Variants in NCKAP5 observed in about 807,000 individuals in gnomAD.
The protein encoded by NCKAP5 is NCK associated protein 5, also known as nck-associated protein 5.
A neutral mutation model predicts 167.0 loss-of-function variants in NCKAP5; 92 were observed. The ratio of observed to expected loss-of-function variants is 0.55; its 90% CI spans 0.47 to 0.66. The LOEUF (loss-of-function observed/expected upper bound fraction) is 0.66. NCKAP5 is among the 30% of genes least tolerant of loss of function. The pLI is 0.00. For synonymous variants in NCKAP5, 891 were observed against 877.4 expected (o/e 1.02, Z -0.27); for missense variants, 2,378 against 2,315.0 (o/e 1.03, Z -0.56).
At chr2:133,548,597 T>G (rs1030035698) in intron 2 of NCKAP5, among the ~76,000 whole-genome samples, 7 of 151,924 alleles carry the variant, frequency 4.6e-5, no homozygotes, top group African/African-American at 1.7e-4. Context: ...GACAAGAATT[T>G]TCAACCCAGA....
intron 6 of NCKAP5, among the ~76,000 whole-genome samples, chr2:133,063,380 T>A (rs1330328763): frequency 6.6e-6 from 1 of 152,210 alleles, no homozygotes; most frequent in Non-Finnish European, 1.5e-5. Flanking sequence ...TGTTTGAAGT[T>A]ACATATACAC....
intron 8 of NCKAP5, among the ~76,000 whole-genome samples, chr2:132,922,915 C>T (rs57114195): frequency 0.21 from 31,781 of 152,064 alleles, 6,633 homozygotes; most frequent in African/African-American, 0.49. Context: ...AATAAAATTT[C>T]AGAATTTCAG....
At chr2:133,629,301 C>A in the NCKAP5 span, among the ~76,000 whole-genome samples, 25 of 151,794 alleles carry the variant, frequency 1.6e-4, no homozygotes, top group Non-Finnish European at 3.1e-4. Flanking sequence ...GAAAAAACAG[C>A]CCATTAAAAA....
At chr2:132,741,111 A>T (rs1366263488) in intron 16 of NCKAP5, among the ~76,000 whole-genome samples, 2 of 152,070 alleles carry the variant, frequency 1.3e-5, no homozygotes, top group Admixed American at 6.6e-5. Flanking sequence ...ATTTTCATAT[A>T]CAGCTGTTAT....
intron 2 of NCKAP5, among the ~76,000 whole-genome samples, chr2:133,527,891 C>A (rs1274369397): frequency 6.6e-6 from 1 of 151,874 alleles, no homozygotes; most frequent in Non-Finnish European, 1.5e-5. Flanking sequence ...ATAGTGAGAC[C>A]CCTGTCTGTA....
chr2:133,322,716 A>T (rs867094893), intron 3 of NCKAP5, among the ~76,000 whole-genome samples: 1 of 152,342 alleles, frequency 6.6e-6, no homozygotes, highest in East Asian at 1.9e-4. Flanking sequence ...GGACACATAG[A>T]AGCTATGTGG....
At chr2:133,126,615 G>A (rs7592507) in intron 6 of NCKAP5, among the ~76,000 whole-genome samples, 17,592 of 152,140 alleles carry the variant, frequency 0.12, 1,254 homozygotes, top group East Asian at 0.38. Context: ...TTTGGGCCAC[G>A]TCTACTGTAT....
At chr2:132,771,035 A>G (rs780817926) in intron 16 of NCKAP5, among the ~76,000 whole-genome samples, 5 of 152,222 alleles carry the variant, frequency 3.3e-5, no homozygotes, top group Non-Finnish European at 5.9e-5. Context: ...TAGTTTATGT[A>G]TGTACTACTA....
At chr2:132,925,903 G>T in intron 8 of NCKAP5, among the ~76,000 whole-genome samples, 1 of 152,268 alleles carries the variant, frequency 6.6e-6, no homozygotes, top group Admixed American at 6.5e-5. Flanking sequence ...AAAATTTTAC[G>T]AATTTAGGGG....
rs1328884638 is a variant in NCKAP5 at position 132,878,903 on chromosome 2, G to A, written c.593C>T (p.Ala198Val). ...TTGATTTTCATTCTCCAAAGCCAACGCTGAATTCTCTGCCTGCAGTAAGAT... is the reference window on the plus strand; with the variant it reads ...TTGATTTTCATTCTCCAAAGCCAACACTGAATTCTCTGCCTGCAGTAAGAT... The part of the protein sequence containing the change: ...RLKALEAENS[A>V]LALENENQRE... The change falls in exon 9 of 20, where the codon GCG becomes GTG. Residue 198 changes from alanine to valine, a missense_variant. Transcript: ENST00000409261. 4 of 1,613,008 alleles carry A rather than the reference G, an allele frequency of 2.5e-6. No individual in the cohort carries two copies. The highest frequency in any genetic ancestry group is 1.7e-6 in the Non-Finnish European group (2 of 1,179,088).
At chr2:132,707,589 T>C (rs1414896822) in intron 19 of NCKAP5, among the ~76,000 whole-genome samples, 4 of 152,192 alleles carry the variant, frequency 2.6e-5, no homozygotes, top group Non-Finnish European at 5.9e-5. Flanking sequence ...CTTTCACTCA[T>C]TCAACAAATG....
At chr2:132,915,036 T>A (rs981237706) in intron 8 of NCKAP5, among the ~76,000 whole-genome samples, 1 of 151,012 alleles carries the variant, frequency 6.6e-6, no homozygotes, top group Non-Finnish European at 1.5e-5. Flanking sequence ...ATTTCAGCAA[T>A]TAGGCCTCTA....
At chr2:133,067,943 C>T (rs1473619598) in intron 6 of NCKAP5, among the ~76,000 whole-genome samples, 1 of 152,102 alleles carries the variant, frequency 6.6e-6, no homozygotes, top group East Asian at 1.9e-4. Flanking sequence ...ACAACCAGAA[C>T]TTTATTCCCC....
At chr2:133,310,644 A>T (rs894678013) in intron 3 of NCKAP5, among the ~76,000 whole-genome samples, 35 of 152,148 alleles carry the variant, frequency 2.3e-4, no homozygotes, top group Non-Finnish European at 5.9e-5. Flanking sequence ...GCTATTTCCC[A>T]AACAGGTCCC....
intron 15 of NCKAP5, among the ~76,000 whole-genome samples, chr2:132,779,589 G>A (rs1163746081): frequency 4.1e-5 from 6 of 146,824 alleles, no homozygotes; most frequent in Non-Finnish European, 9.0e-5. Context: ...GCAGAAATGG[G>A]ATGAGGGAAA....
chr2:133,470,941 G>C (rs1223999113), intron 3 of NCKAP5, among the ~76,000 whole-genome samples: 1 of 152,196 alleles, frequency 6.6e-6, no homozygotes, highest in African/African-American at 2.4e-5. Flanking sequence ...AACCCAGTAC[G>C]TCAGATGGAA....
At chr2:133,266,585 C>A (rs1169902125) in intron 4 of NCKAP5, 1 of 152,436 alleles carries the variant, frequency 6.6e-6, no homozygotes, top group Non-Finnish European at 1.5e-5. Context: ...GTTGACTCCG[C>A]AGCGCCTTCA....
chr2:133,245,553 G>C (rs1473507708), intron 4 of NCKAP5, among the ~76,000 whole-genome samples: 1 of 151,966 alleles, frequency 6.6e-6, no homozygotes, highest in African/African-American at 2.4e-5. Context: ...TAATTACATA[G>C]GTGTTTTCAC....
chr2:132,900,080 A>T (rs1693501061), intron 8 of NCKAP5, among the ~76,000 whole-genome samples: 1 of 152,214 alleles, frequency 6.6e-6, no homozygotes, highest in Non-Finnish European at 1.5e-5. Flanking sequence ...CTCAGAACAC[A>T]TGCAACAGGT....
Sources: allele counts gnomAD v4.1 joint callset (sites outside exome capture counted in the v4.1 genomes callset), GRCh38; gene constraint gnomAD v4.1.1; transcripts MANE v1.5; gene names NCBI Gene and HGNC (gene_info 2026-07-23, HGNC 2026-07-21).